The following CNTNAP2 variants were observed in gnomAD, a reference collection of about 807,000 sequenced individuals.
CNTNAP2 encodes contactin associated protein 2, also known as contactin-associated protein-like 2.
A neutral mutation model predicts 155.2 loss-of-function variants in CNTNAP2; 98 were observed. That is an observed-to-expected ratio of 0.63 (90% CI 0.54 to 0.75). The LOEUF (loss-of-function observed/expected upper bound fraction) is 0.75. Ranked by LOEUF, CNTNAP2 falls within the 30% of genes least tolerant of loss-of-function variation. The pLI, the probability that CNTNAP2 is intolerant of heterozygous loss-of-function variation, is 0.00. For missense variants in CNTNAP2, 1,727 were observed against 1,688.1 expected (o/e 1.02, Z -0.40); for synonymous variants, 651 against 631.2 (o/e 1.03, Z -0.47).
intron 1 of CNTNAP2, among the ~76,000 whole-genome samples, chr7:146,363,860 G>T (rs1584890243): frequency 1.3e-5 from 2 of 152,270 alleles, no homozygotes; most frequent in South Asian, 2.1e-4. Flanking sequence ...AGAACAGGGA[G>T]CCACTGGGGA....
At chr7:146,358,352 A>G (rs1161774876) in intron 1 of CNTNAP2, among the ~76,000 whole-genome samples, 1 of 152,142 alleles carries the variant, frequency 6.6e-6, no homozygotes, top group African/African-American at 2.4e-5. Context: ...TTGATTTATG[A>G]TCCGTAGGCA....
intron 13 of CNTNAP2, among the ~76,000 whole-genome samples, chr7:147,815,007 A>G (rs991454847): frequency 6.6e-6 from 1 of 152,216 alleles, no homozygotes; most frequent in African/African-American, 2.4e-5. Context: ...AAGGTTAGAA[A>G]GAAGAGAGCA....
chr7:146,780,348 G>A (rs1052491422), intron 2 of CNTNAP2, among the ~76,000 whole-genome samples: 28 of 152,036 alleles, frequency 1.8e-4, no homozygotes, highest in Middle Eastern at 3.4e-3. Flanking sequence ...ACCATGCCTG[G>A]CTAATTTTTT....
intron 1 of CNTNAP2, among the ~76,000 whole-genome samples, chr7:146,555,659 A>C: frequency 6.6e-6 from 1 of 152,320 alleles, no homozygotes; most frequent in South Asian, 2.1e-4. Flanking sequence ...AAAAGACTAC[A>C]AAACAATATT....
At chr7:146,803,477 C>T (rs537774859) in intron 2 of CNTNAP2, among the ~76,000 whole-genome samples, 4 of 152,202 alleles carry the variant, frequency 2.6e-5, no homozygotes, top group South Asian at 2.1e-4. Context: ...CCTTGGATCA[C>T]GGGCCAATCA....
intron 11 of CNTNAP2, among the ~76,000 whole-genome samples, chr7:147,507,080 C>G (rs1310210431): frequency 1.3e-5 from 2 of 152,076 alleles, no homozygotes; most frequent in African/African-American, 4.8e-5. Flanking sequence ...GTAGACTCTC[C>G]AAAGTAGCAG....
chr7:146,619,979 T>G (rs750040782), intron 1 of CNTNAP2, among the ~76,000 whole-genome samples: 71 of 152,302 alleles, frequency 4.7e-4, no homozygotes, highest in Non-Finnish European at 8.1e-4. Flanking sequence ...AAATGTAAAC[T>G]TACGTTCTCA....
At chr7:146,838,912 CATT>C (rs1224439759) in intron 2 of CNTNAP2, among the ~76,000 whole-genome samples, 1 of 152,164 alleles carries the variant, frequency 6.6e-6, no homozygotes, top group Non-Finnish European at 1.5e-5. Context: ...TTAGCACTAA[CATT>C]ATGCCATATT....
intron 1 of CNTNAP2, among the ~76,000 whole-genome samples, chr7:146,720,960 A>G (rs1801280024): frequency 8.0e-6 from 1 of 124,700 alleles, no homozygotes; most frequent in South Asian, 2.3e-4. Context: ...TTCTATATAT[A>G]TACAGTATAT....
chr7:147,465,810 T>C (rs1798110346), intron 10 of CNTNAP2, among the ~76,000 whole-genome samples: 1 of 152,218 alleles, frequency 6.6e-6, no homozygotes, highest in African/African-American at 2.4e-5. Flanking sequence ...ATGTCTTCCC[T>C]GGTGCAGTTC....
At chr7:146,395,973 A>G (rs547477418) in intron 1 of CNTNAP2, among the ~76,000 whole-genome samples, 1,878 of 152,252 alleles carry the variant, frequency 0.012, 14 homozygotes, top group Non-Finnish European at 0.018. Context: ...ATTGGAGATT[A>G]TCACTTACTG....
chr7:148,079,795 T>C (rs1045233099), intron 15 of CNTNAP2, among the ~76,000 whole-genome samples: 3 of 152,212 alleles, frequency 2.0e-5, no homozygotes, highest in African/African-American at 4.8e-5. Flanking sequence ...TTAATGTTAA[T>C]GCTGGTCAGC....
intron 4 of CNTNAP2, among the ~76,000 whole-genome samples, chr7:147,094,355 T>C (rs1236028354): frequency 1.3e-5 from 2 of 151,982 alleles, no homozygotes; most frequent in African/African-American, 2.4e-5. Flanking sequence ...GAATTACCCT[T>C]AAAGGTCCAT....
rs61587644 is a variant in CNTNAP2 at position 146,879,007 on chromosome 7, G to C, written c.402+39103G>C. Reference sequence around the variant, plus strand: ...TCAGTTGTGAGGGAAAGGACTGTCTGGGTTGCTTTCAATCACATTTTCAAA... The same window carrying C: ...TCAGTTGTGAGGGAAAGGACTGTCTCGGTTGCTTTCAATCACATTTTCAAA... On this transcript the variant is annotated intron_variant, in intron 3 of 23. Coordinates refer to ENST00000361727, the MANE Select transcript of CNTNAP2 (RefSeq NM_014141.6). Among the ~76,000 whole-genome samples the C allele has an allele frequency of 1.9e-3, 291 of 152,256 alleles. 3 individuals carry two copies. The highest frequency in any genetic ancestry group is 6.8e-3 in the African/African-American group (281 of 41,542).
chr7:147,275,016 G>A (rs375689307), intron 8 of CNTNAP2, among the ~76,000 whole-genome samples: 93 of 151,958 alleles, frequency 6.1e-4, no homozygotes, highest in African/African-American at 2.0e-3. Flanking sequence ...CTATTGATCT[G>A]TGTGTCTATT....
intron 11 of CNTNAP2, among the ~76,000 whole-genome samples, chr7:147,511,254 T>C (rs78469904): frequency 0.02 from 3,046 of 152,116 alleles, 88 homozygotes; most frequent in African/African-American, 0.07. Context: ...ACATCGTGAA[T>C]ACCGACCTTT....
intron 13 of CNTNAP2, among the ~76,000 whole-genome samples, chr7:147,741,507 A>T (rs771760686): frequency 2.0e-4 from 30 of 152,362 alleles, no homozygotes; most frequent in Middle Eastern, 6.8e-3. Context: ...AAAAATGTTA[A>T]GTTTCTTGAA....
chr7:147,250,760 T>C (rs1284473916), intron 8 of CNTNAP2, among the ~76,000 whole-genome samples: 1 of 152,140 alleles, frequency 6.6e-6, no homozygotes, highest in African/African-American at 2.4e-5. Context: ...ACTTGGAAAC[T>C]TGTTAGTAAT....
intron 3 of CNTNAP2, among the ~76,000 whole-genome samples, chr7:146,970,871 C>G (rs1024541124): frequency 1.2e-4 from 19 of 152,022 alleles, no homozygotes; most frequent in Non-Finnish European, 2.4e-4. Context: ...CCATGGAATA[C>G]TATGCAGCCA....
Sources: gnomAD v4.1 joint callset for allele counts (sites outside exome capture counted in the v4.1 genomes callset) on GRCh38, gnomAD v4.1.1 for gene constraint, MANE v1.5 for transcripts, NCBI Gene and HGNC (gene_info 2026-07-23, HGNC 2026-07-21) for gene names.